Variants in DNAH11 observed in about 807,000 individuals in gnomAD.
DNAH11 encodes the protein dynein axonemal heavy chain 11.
DNAH11 carries 442 observed loss-of-function variants against 526.0 expected under a neutral mutation model. The ratio of observed to expected loss-of-function variants is 0.84; its 90% CI spans 0.78 to 0.91. The LOEUF is 0.91. Ranked by LOEUF, DNAH11 falls within the 40% of genes least tolerant of loss-of-function variation. The pLI is 0.00. For missense variants in DNAH11, 6,989 were observed against 5,448.7 expected (o/e 1.28, Z -8.90); for synonymous variants, 2,461 against 1,935.9 (o/e 1.27, Z -7.12).
At chr7:21,556,259 G>A (rs1783214890) in intron 2 of DNAH11, among the ~76,000 whole-genome samples, 2 of 152,136 alleles carry the variant, frequency 1.3e-5, no homozygotes, top group African/African-American at 4.8e-5. Context: ...CTAGGTGCAT[G>A]AGCTGTGCGA....
intron 30 of DNAH11, among the ~76,000 whole-genome samples, chr7:21,663,239 G>T (rs1161973856): frequency 6.6e-6 from 1 of 152,038 alleles, no homozygotes; most frequent in Non-Finnish European, 1.5e-5. Context: ...TGGCCACTTA[G>T]GTTGATTCCG....
At chr7:21,551,052 T>C (rs1010477791) in intron 2 of DNAH11, among the ~76,000 whole-genome samples, 10 of 152,202 alleles carry the variant, frequency 6.6e-5, no homozygotes, top group African/African-American at 2.4e-4. Context: ...TCCTAAGTAT[T>C]GCATCACACA....
At chr7:21,580,354 G>T (rs1396378232) in intron 8 of DNAH11, among the ~76,000 whole-genome samples, 3 of 152,180 alleles carry the variant, frequency 2.0e-5, no homozygotes, top group Non-Finnish European at 4.4e-5. Flanking sequence ...TAAAGAGATT[G>T]CTTGGCTCTA....
rs564514095 is a variant in DNAH11 at position 21,742,072 on chromosome 7, T to C, written c.8060T>C (p.Ile2687Thr). The change falls in exon 49 of 82, where the codon ATA becomes ACA. Residue 2687 changes from isoleucine (I) to threonine (T), a missense_variant. Transcript: ENST00000409508. ...GGCCCCACTTTGATCCAGGCAACAATAGCATTCCATCAGACAATGATGTGT... is the reference window on the plus strand; with the variant it reads ...GGCCCCACTTTGATCCAGGCAACAACAGCATTCCATCAGACAATGATGTGT... ...RSGPTLIQAT[I>T]AFHQTMMCNF... 7 of 1,613,924 alleles carry C rather than the reference T, an allele frequency of 4.3e-6. No individual in the cohort carries two copies. The East Asian group carries it at 1.1e-4, about 26-fold the overall frequency.
chr7:21,852,203 G>A lies in DNAH11; in HGVS notation c.10897-264G>A, dbSNP rs921032745. On this transcript the variant is annotated intron_variant, in intron 66 of 81. Transcript: ENST00000409508. ...GTGGATCATTTGAGGTCAGGAGTTC[G>A]AGACCAGCTTGACCAACGTGGTGAA... Among the ~76,000 whole-genome samples the A allele has an allele frequency of 2.0e-5, 3 of 151,978 alleles. No homozygotes were observed. The East Asian group carries it at 5.8e-4, about 29-fold the overall frequency.
intron 45 of DNAH11, among the ~76,000 whole-genome samples, chr7:21,728,899 C>T (rs1785256316): frequency 6.6e-6 from 1 of 152,254 alleles, no homozygotes; most frequent in Non-Finnish European, 1.5e-5. Flanking sequence ...TGGCTCAATG[C>T]CCTGTACCGG....
rs777981590 is a variant in DNAH11, at chr7:21,683,836, A to G, written c.5513A>G (p.Glu1838Gly). 6.2e-7 allele frequency: 1 copy of G among 1,613,198 alleles called. No individual in the cohort carries two copies. The highest frequency in any genetic ancestry group is 8.5e-7 in the Non-Finnish European group (1 of 1,179,480). The change falls in exon 32 of 82, where the codon GAG (glutamate) becomes GGG (glycine). Residue 1838 changes from glutamate to glycine, a missense_variant. By Grantham distance (98) the Glu-to-Gly change is moderately conservative (BLOSUM62 -2). Transcript: ENST00000409508. ...TWLSQLRHRW[E>G]DTQKHCFVNI... is the part of the protein sequence containing the mutation. ...CTGTCTCAACTTCGTCACCGATGGG[A>G]GGATACCCAGAAACACTGCTTTGTT...
chr7:21,571,145 G>A lies in DNAH11; in HGVS notation c.1426-661G>A, dbSNP rs112250506. On this transcript the variant is annotated intron_variant, in intron 7 of 81. Transcript: ENST00000409508. ...TCGCTTTCAATAAAGCAGACTCACT[G>A]CCGGGTATGGGGTGATGAAAACAGG... Among the ~76,000 whole-genome samples, 713 of 152,290 alleles carry A rather than the reference G, an allele frequency of 4.7e-3. 13 individuals are homozygous for A. The highest frequency in any genetic ancestry group is 0.016 in the African/African-American group (674 of 41,556).
chr7:21,898,281 C>T (rs1055712819), intron 79 of DNAH11, among the ~76,000 whole-genome samples: 1 of 152,096 alleles, frequency 6.6e-6, no homozygotes, highest in Non-Finnish European at 1.5e-5. Context: ...TATGCTTTTT[C>T]GGATCCAGCT....
Position 21,588,583 on chromosome 7 carries a change from G to GGTTC in DNAH11, c.1921_1924dup (p.Leu642ArgfsTer24). 6.2e-7 allele frequency: 1 copy of GGTTC among 1,613,692 alleles called. No individual in the cohort carries two copies. Among genetic ancestry groups the GGTTC allele is most frequent in the African/African-American group, 1.3e-5 (1 of 75,042 alleles). ...CAGGAAATATGAAATGGGCCCAGCA[G>GGTTC]GTTCTCCAACGACTTCAAATGTTTT... On this transcript the variant is annotated frameshift_variant, in exon 11 of 82. Transcript: ENST00000409508. LOFTEE classifies it high-confidence loss of function.
intron 61 of DNAH11, among the ~76,000 whole-genome samples, chr7:21,792,694 G>C (rs1471293857): frequency 6.6e-6 from 1 of 152,002 alleles, no homozygotes; most frequent in Non-Finnish European, 1.5e-5. Flanking sequence ...CATGTTCATA[G>C]TAGTTTCTAA....
Position 21,600,731 on chromosome 7 carries a change from G to C in DNAH11, c.3056G>C (p.Arg1019Thr). 1 of 1,613,854 alleles carries C rather than the reference G, an allele frequency of 6.2e-7. No homozygotes were observed. The highest frequency in any genetic ancestry group is 1.1e-5 in the South Asian group (1 of 91,066). Residue 1019 changes from arginine (R) to threonine (T), a missense_variant, in exon 16 of 82, where the codon AGA (arginine) becomes ACA (threonine). Physicochemically the swap from Arg to Thr is moderately conservative, Grantham distance 71 (BLOSUM62 -1). Transcript: ENST00000409508. ...GAGGTCAGGCAGGAGATCATGAACA[G>C]AGTGGTGAATGTCATCAACAAAGTC... ...LAEVRQEIMN[R>T]VVNVINKVLD...
chr7:21,600,826 C>T lies in DNAH11; in HGVS notation c.3151C>T (p.His1051Tyr), dbSNP rs1255151205. 6.2e-7 allele frequency: 1 copy of T among 1,613,904 alleles called. No individual in the cohort carries two copies. Among genetic ancestry groups the T allele is most frequent in the Admixed American group, 1.7e-5 (1 of 60,014 alleles). The change falls in exon 16 of 82, where the codon CAT (histidine) becomes TAT (tyrosine). Residue 1051 changes from histidine to tyrosine, a missense_variant. Physicochemically the swap from His to Tyr is moderately conservative, Grantham distance 83. Transcript: ENST00000409508. ...WVDDRAEFMK[H>Y]FLLYGHAVSS... ...GGATGATCGAGCTGAGTTTATGAAG[C>T]ATTTTCTCTTGTATGGCCATGCTGT... is the stretch of plus-strand genomic sequence containing the variant.
intron 36 of DNAH11, among the ~76,000 whole-genome samples, chr7:21,701,021 TG>T (rs1784034797): frequency 1.3e-5 from 2 of 152,082 alleles, no homozygotes; most frequent in African/African-American, 4.8e-5. Flanking sequence ...AACAGGTTGA[TG>T]GGTACAGCAA....
At chr7:21,589,660 C>T (rs891385988) in intron 12 of DNAH11, among the ~76,000 whole-genome samples, 3 of 152,044 alleles carry the variant, frequency 2.0e-5, no homozygotes, top group East Asian at 1.9e-4. Flanking sequence ...GAGTAGCATC[C>T]GTTTCATTGC....
chr7:21,744,387 C>G, intron 49 of DNAH11, 51 bp from the exon 50 acceptor site: 1 of 1,576,124 alleles, frequency 6.3e-7, no homozygotes, highest in South Asian at 1.2e-5. Context: ...ACTCATTTGA[C>G]ATGTCATCAG....
At chr7:21,889,156 A>G (rs1784240953) in intron 76 of DNAH11, among the ~76,000 whole-genome samples, 1 of 152,198 alleles carries the variant, frequency 6.6e-6, no homozygotes, top group South Asian at 2.1e-4. Context: ...AAATGGACTC[A>G]TACAATATGT....
chr7:21,704,639 C>G lies in DNAH11; in HGVS notation c.6468+11C>G, dbSNP rs1583610686. 1 of 1,581,968 alleles carries G rather than the reference C, an allele frequency of 6.3e-7. No homozygotes were observed. The highest frequency in any genetic ancestry group is 8.5e-7 in the Non-Finnish European group (1 of 1,170,828). ...AGCTTCATCCTCAAAGTAAAAGGAG[C>G]ATTTGCTTTTCATGGCAGCTGTTGG... is the stretch of plus-strand genomic sequence containing the variant. On this transcript the variant is annotated intron_variant, in intron 38 of 81. Coordinates refer to ENST00000409508, the MANE Select transcript of DNAH11 (RefSeq NM_001277115.2).
intron 66 of DNAH11, among the ~76,000 whole-genome samples, chr7:21,845,450 G>T (rs1014338146): frequency 3.3e-5 from 5 of 151,988 alleles, no homozygotes; most frequent in African/African-American, 1.2e-4. Context: ...TCTCAGCACC[G>T]TTTGTTGAAA....
Sources: allele counts gnomAD v4.1 joint callset (sites outside exome capture counted in the v4.1 genomes callset), GRCh38; gene constraint gnomAD v4.1.1; transcripts MANE v1.5; gene names NCBI Gene and HGNC (gene_info 2026-07-23, HGNC 2026-07-21).